SPHKAP: variants seen among roughly 807,000 people sequenced by gnomAD.
SPHKAP encodes A-kinase anchor protein SPHKAP.
In SPHKAP, 67 loss-of-function variants were observed where a neutral mutation model predicts 137.5. That is an observed-to-expected ratio of 0.49 (90% CI 0.40 to 0.60). SPHKAP has a LOEUF of 0.60. SPHKAP is among the 20% of genes least tolerant of loss of function. The probability of loss-of-function intolerance (pLI) is 0.00; values close to 1 mark genes in which losing one functional copy is unlikely to be tolerated. For missense variants in SPHKAP, 2,097 were observed against 2,069.3 expected (o/e 1.01, Z -0.26); for synonymous variants, 813 against 785.3 (o/e 1.04, Z -0.59).
At chr2:228,134,435 G>T (rs1369045979) in intron 1 of SPHKAP, among the ~76,000 whole-genome samples, 1 of 152,112 alleles carries the variant, frequency 6.6e-6, no homozygotes, top group Non-Finnish European at 1.5e-5. Context: ...GGCTCTGGAA[G>T]TCACTTGGCG....
At chr2:228,131,757 G>A (rs1699259432) in intron 2 of SPHKAP, 2 of 982,618 alleles carry the variant, frequency 2.0e-6, no homozygotes, top group Non-Finnish European at 2.4e-6. Context: ...GGTTGAGATA[G>A]TATGGCAGTG....
Position 227,981,697 on chromosome 2 carries a change from C to G in SPHKAP, c.*20G>C. The G allele has an allele frequency of 6.2e-7, 1 of 1,605,780 alleles. No homozygotes were observed. Among genetic ancestry groups the G allele is most frequent in the South Asian group, 1.1e-5 (1 of 89,346 alleles). On this transcript the variant is annotated 3_prime_UTR_variant, in exon 12 of 12. Transcript: ENST00000392056. The stretch of plus-strand genomic sequence containing the variant: ...AGTTGGAATAAAGGGAAGGAATGAT[C>G]TATACGGCAGACTGCCTTATTATCC...
At chr2:228,005,547 A>C (rs141516763) in intron 7 of SPHKAP, among the ~76,000 whole-genome samples, 22 of 152,304 alleles carry the variant, frequency 1.4e-4, no homozygotes, top group African/African-American at 5.1e-4. Flanking sequence ...TAGCCCATTT[A>C]CATTTAAGGT....
intron 3 of SPHKAP, among the ~76,000 whole-genome samples, chr2:228,074,990 G>A (rs1402625085): frequency 6.6e-6 from 1 of 152,160 alleles, no homozygotes; most frequent in African/African-American, 2.4e-5. Flanking sequence ...AAAAAGAGAA[G>A]GAGGAAGGGG....
intron 8 of SPHKAP, among the ~76,000 whole-genome samples, chr2:227,994,877 ATT>A (rs1231579789): frequency 1.3e-5 from 2 of 152,212 alleles, no homozygotes; most frequent in African/African-American, 4.8e-5. Context: ...CCCATTTTCC[ATT>A]TGGCCTCTGT....
chr2:228,108,681 A>G (rs2106347329), intron 3 of SPHKAP, 151 bp downstream of exon 3: 1 of 542,360 alleles, frequency 1.8e-6, no homozygotes, highest in South Asian at 2.6e-5. Context: ...CTATTTTGTT[A>G]ACTGTCCATA....
At chr2:228,170,730 C>T (rs1313494466) in intron 1 of SPHKAP, among the ~76,000 whole-genome samples, 1 of 151,948 alleles carries the variant, frequency 6.6e-6, no homozygotes, top group East Asian at 1.9e-4. Flanking sequence ...CTTTTGAATC[C>T]CTTGGAAAAC....
At chr2:228,000,697 C>G (rs1693823468) in intron 7 of SPHKAP, among the ~76,000 whole-genome samples, 1 of 151,960 alleles carries the variant, frequency 6.6e-6, no homozygotes, top group Non-Finnish European at 1.5e-5. Context: ...CTTAAGGTTC[C>G]TCTGTATCTT....
intron 1 of SPHKAP, among the ~76,000 whole-genome samples, chr2:228,146,917 T>C (rs145433036): frequency 4.5e-4 from 68 of 152,346 alleles, no homozygotes; most frequent in African/African-American, 1.5e-3. Flanking sequence ...ACAATATCTA[T>C]AAAAATAAAA....
intron 3 of SPHKAP, among the ~76,000 whole-genome samples, chr2:228,071,339 T>G (rs1696999102): frequency 6.6e-6 from 1 of 152,256 alleles, no homozygotes; most frequent in African/African-American, 2.4e-5. Flanking sequence ...ATATTTTTTG[T>G]CAATGATTTT....
intron 3 of SPHKAP, among the ~76,000 whole-genome samples, chr2:228,063,918 G>T (rs1696743750): frequency 6.6e-6 from 1 of 152,158 alleles, no homozygotes; most frequent in Admixed American, 6.5e-5. Flanking sequence ...ATCTTTAAGT[G>T]CTAATATTAG....
chr2:228,139,786 A>G (rs909057937), intron 1 of SPHKAP, among the ~76,000 whole-genome samples: 1 of 152,120 alleles, frequency 6.6e-6, no homozygotes, highest in African/African-American at 2.4e-5. Context: ...TTAATGTAAG[A>G]TAGAAAGTAC....
rs144775838 is a variant in SPHKAP, at chr2:228,018,548, G to C, written c.2306C>G (p.Ser769Cys). The stretch of plus-strand genomic sequence containing the variant: ...TGAATTGCTAAGTGGAGAGCTGCTG[G>C]AGGATTCAGTGGCTTTTGTCCAAGC... ...SQAWTKATES[S>C]SSSPLSNSHN... is the part of the protein sequence containing the mutation. The change falls in exon 7 of 12, where the codon TCC becomes TGC. Residue 769 changes from serine (S) to cysteine (C), a missense_variant. Physicochemically the swap from Ser to Cys is moderately radical, Grantham distance 112. Transcript: ENST00000392056. 1.9e-6 allele frequency: 3 copies of C among 1,613,984 alleles called. No homozygotes were observed. The highest frequency in any genetic ancestry group is 1.7e-6 in the Non-Finnish European group (2 of 1,179,920).
intron 1 of SPHKAP, among the ~76,000 whole-genome samples, chr2:228,142,831 A>T (rs1030970852): frequency 6.6e-6 from 1 of 152,132 alleles, no homozygotes; most frequent in Non-Finnish European, 1.5e-5. Context: ...AAACCTTCAC[A>T]TGTACCCCCT....
chr2:228,172,894 A>C (rs906232040), intron 1 of SPHKAP: 1 of 262,268 alleles, frequency 3.8e-6, no homozygotes. Flanking sequence ...CCTTCTGTGC[A>C]CTTTGCATTG....
chr2:228,003,462 A>G (rs980754942), intron 7 of SPHKAP, among the ~76,000 whole-genome samples: 2 of 152,100 alleles, frequency 1.3e-5, no homozygotes, highest in South Asian at 2.1e-4. Flanking sequence ...GGAGATTTTG[A>G]GCTGAAACGA....
chr2:228,018,519 T>C lies in SPHKAP; in HGVS notation c.2335A>G (p.Asn779Asp). Residue 779 changes from asparagine to aspartate, a missense_variant, in exon 7 of 12, where the codon AAC (asparagine) becomes GAC (aspartate). Physicochemically the swap from Asn to Asp is conservative, Grantham distance 23 (BLOSUM62 1). Transcript: ENST00000392056. ...AGATTGTTGATGACAAGACTCGTGTTGTGTGAATTGCTAAGTGGAGAGCTG... is the reference window on the plus strand; with the variant it reads ...AGATTGTTGATGACAAGACTCGTGTCGTGTGAATTGCTAAGTGGAGAGCTG... ...SSSSPLSNSH[N>D]TSLVINNLVD... 6.2e-7 allele frequency: 1 copy of C among 1,614,142 alleles called. No homozygotes were observed. Among genetic ancestry groups the C allele is most frequent in the Non-Finnish European group, 8.5e-7 (1 of 1,179,998 alleles).
intron 3 of SPHKAP, among the ~76,000 whole-genome samples, chr2:228,094,555 G>C (rs1697920454): frequency 6.6e-6 from 1 of 152,188 alleles, no homozygotes; most frequent in South Asian, 2.1e-4. Context: ...GATGATTATT[G>C]AAAGAGTGTT....
At chr2:228,173,962 T>A (rs1700662043) in intron 1 of SPHKAP, among the ~76,000 whole-genome samples, 2 of 152,238 alleles carry the variant, frequency 1.3e-5, no homozygotes, top group South Asian at 4.1e-4. Flanking sequence ...TGTTATTTTC[T>A]TTGGAGAAAA....
Sources: allele counts gnomAD v4.1 joint callset (sites outside exome capture counted in the v4.1 genomes callset), GRCh38; gene constraint gnomAD v4.1.1; transcripts MANE v1.5; gene names NCBI Gene and HGNC (gene_info 2026-07-23, HGNC 2026-07-21).